VPS13D: variants seen among roughly 807,000 people sequenced by gnomAD.
The protein encoded by VPS13D is vacuolar protein sorting 13 homolog D, also known as intermembrane lipid transfer protein VPS13D.
VPS13D carries 187 observed loss-of-function variants against 461.9 expected under a neutral mutation model. That is an observed-to-expected ratio of 0.40 (90% CI 0.36 to 0.46). The LOEUF is 0.46. VPS13D is among the 20% of genes least tolerant of loss of function. The pLI is 0.60. For missense variants in VPS13D, 4,711 were observed against 5,364.9 expected (o/e 0.88, Z 3.81); for synonymous variants, 1,951 against 1,986.3 (o/e 0.98, Z 0.47).
chr1:12,368,388 T>C (rs924223070), intron 52 of VPS13D, 80 bp from the exon 53 acceptor site: 1 of 1,498,576 alleles, frequency 6.7e-7, no homozygotes. Flanking sequence ...GTGTTGTGAT[T>C]GTCAGAAATA....
chr1:12,483,310 G>C (rs1476333475), intron 67 of VPS13D, among the ~76,000 whole-genome samples: 1 of 152,226 alleles, frequency 6.6e-6, no homozygotes, highest in Admixed American at 6.5e-5. Context: ...TTGCCAATCT[G>C]AAAGAGTGAG....
intron 46 of VPS13D, 70 bp downstream of exon 46, chr1:12,349,444 T>G (rs1643749189): frequency 1.4e-6 from 2 of 1,404,452 alleles, no homozygotes; most frequent in Non-Finnish European, 9.9e-7. Flanking sequence ...CTATTACCAT[T>G]CTTTCTCTAA....
chr1:12,285,635 A>G (rs1641944045), intron 21 of VPS13D, among the ~76,000 whole-genome samples: 1 of 152,120 alleles, frequency 6.6e-6, no homozygotes, highest in South Asian at 2.1e-4. Flanking sequence ...ATTTCACTCT[A>G]CATACGTCAG....
intron 35 of VPS13D, among the ~76,000 whole-genome samples, chr1:12,326,061 G>A (rs1474542486): frequency 6.7e-6 from 1 of 149,084 alleles, no homozygotes; most frequent in African/African-American, 2.5e-5. Context: ...ATTGTATCTG[G>A]GTTATTCCAG....
chr1:12,307,314 G>A (rs1356479619), intron 26 of VPS13D, among the ~76,000 whole-genome samples: 1 of 152,026 alleles, frequency 6.6e-6, no homozygotes, highest in Non-Finnish European at 1.5e-5. Context: ...TGAGAGGGGC[G>A]GGCCATGCCA....
chr1:12,368,644 A>C, intron 53 of VPS13D, 53 bp downstream of exon 53: 1 of 1,586,464 alleles, frequency 6.3e-7, no homozygotes, highest in Non-Finnish European at 8.6e-7. Context: ...GGGAGGGTGG[A>C]GTGTGTACTG....
chr1:12,447,497 C>T (rs1645208017), intron 65 of VPS13D, among the ~76,000 whole-genome samples: 2 of 152,190 alleles, frequency 1.3e-5, no homozygotes, highest in Admixed American at 1.3e-4. Flanking sequence ...AGAAGTTCCA[C>T]TGTGGTCTTC....
At position 12,383,271 on chromosome 1, in the gene VPS13D, C is replaced by T. The variant is rs1011016972; in HGVS notation, c.11370+116C>T. Reference sequence around the variant, plus strand: ...TATGCCAGATATGAAGATATGGTATCTTCATCTGTAAAATGGGGATAGGAT... The same window carrying T: ...TATGCCAGATATGAAGATATGGTATTTTCATCTGTAAAATGGGGATAGGAT... On this transcript the variant is annotated intron_variant, in intron 58 of 69. Coordinates refer to ENST00000620676, the MANE Select transcript of VPS13D (RefSeq NM_015378.4). 36 of 1,095,462 alleles carry T rather than the reference C, an allele frequency of 3.3e-5. No homozygotes were observed. The African/African-American group carries it at 5.3e-4, about 16-fold the overall frequency. The allele number at this position is 1,095,462 out of a possible 1,614,324, so 67.9% of individuals were successfully genotyped here.
At chr1:12,285,739 T>G (rs565021136) in intron 21 of VPS13D, among the ~76,000 whole-genome samples, 2 of 152,332 alleles carry the variant, frequency 1.3e-5, no homozygotes, top group South Asian at 2.1e-4. Context: ...CAGTCCATAA[T>G]CAGATTCTCT....
intron 29 of VPS13D, 121 bp downstream of exon 29, chr1:12,312,046 A>ATACG: frequency 5.0e-6 from 4 of 796,158 alleles, no homozygotes; most frequent in Non-Finnish European, 7.9e-6. Context: ...TTGTCTGCAG[A>ATACG]GTGTCTTTTG....
At chr1:12,311,988 C>A in intron 29 of VPS13D, 63 bp downstream of exon 29, 1 of 1,387,860 alleles carries the variant, frequency 7.2e-7, no homozygotes, top group Non-Finnish European at 1.0e-6. Context: ...ACATGTTTTG[C>A]ATTGACACAG....
In VPS13D at chr1:12,275,858, C is replaced by T. The variant is rs754269483; in HGVS notation, c.2270C>T (p.Ala757Val). Reference sequence around the variant, plus strand: ...AGGAGGAAAAGTAGGGATGGGTCAGCATCTGAAGAGACCCAGTTTAGTGAT... The same window carrying T: ...AGGAGGAAAAGTAGGGATGGGTCAGTATCTGAAGAGACCCAGTTTAGTGAT... Reference protein sequence around the residue: ...NSRRKSRDGSASEETQFSDDE... With the variant: ...NSRRKSRDGSVSEETQFSDDE... The change falls in exon 19 of 70, where the codon GCA becomes GTA. Residue 757 changes from alanine to valine, a missense_variant. By Grantham distance (64) the Ala-to-Val change is moderately conservative. Coordinates refer to ENST00000620676, the MANE Select transcript of VPS13D (RefSeq NM_015378.4). 6 of 1,610,920 alleles carry T rather than the reference C, an allele frequency of 3.7e-6. No individual in the cohort carries two copies. The highest frequency in any genetic ancestry group is 3.3e-4 in the Middle Eastern group (2 of 6,042).
chr1:12,247,587 A>G (rs983802556), intron 5 of VPS13D, among the ~76,000 whole-genome samples: 1 of 152,054 alleles, frequency 6.6e-6, no homozygotes, highest in African/African-American at 2.4e-5. Flanking sequence ...TGATCTTGCT[A>G]TGATTTCGAT....
In VPS13D at chr1:12,505,929, C is replaced by T. The variant is rs943675735; in HGVS notation, c.12795-924C>T. ...CCCCCTTCAGAGGACCTGGGAACAA[C>T]GCCGTTCTGGACCCAGGTTTCAGAA... On this transcript the variant is annotated intron_variant, in intron 68 of 69. Coordinates refer to ENST00000620676, the MANE Select transcript of VPS13D (RefSeq NM_015378.4). The surrounding 1 kb of genome is among the most constrained non-coding windows in gnomAD (Gnocchi z 4.2). 5.9e-5 allele frequency among the ~76,000 whole-genome samples: 9 copies of T among 152,358 alleles called. No individual in the cohort carries two copies. The highest frequency in any genetic ancestry group is 8.8e-5 in the Non-Finnish European group (6 of 68,034).
chr1:12,278,342 C>T (rs952169506), intron 19 of VPS13D, among the ~76,000 whole-genome samples: 6 of 152,168 alleles, frequency 3.9e-5, no homozygotes, highest in Non-Finnish European at 8.8e-5. Flanking sequence ...GCAGTCTCAG[C>T]TCACTGCAAC....
intron 55 of VPS13D, among the ~76,000 whole-genome samples, chr1:12,377,807 C>T (rs558353505): frequency 1.5e-4 from 17 of 112,094 alleles, no homozygotes; most frequent in Non-Finnish European, 2.4e-4. Flanking sequence ...AGAACAGGAG[C>T]GAAACTCCAT....
intron 57 of VPS13D, among the ~76,000 whole-genome samples, chr1:12,379,921 A>G (rs546187672): frequency 1.3e-5 from 2 of 152,032 alleles, no homozygotes; most frequent in African/African-American, 4.8e-5. Context: ...GGTGCCCGCC[A>G]CCACGCCCGG....
chr1:12,314,347 C>T lies in VPS13D; in HGVS notation c.7148+20C>T. The T allele has an allele frequency of 6.3e-7, 1 of 1,597,112 alleles. No homozygotes were observed. The highest frequency in any genetic ancestry group is 8.6e-7 in the Non-Finnish European group (1 of 1,166,754). On this transcript the variant is annotated intron_variant, in intron 30 of 69. Transcript: ENST00000620676. ...TTTCAGGTAGCAGGTCCAGACCCTTCTCTGCCTTTCTTTGTGGAGACATTC... is the reference window on the plus strand; with the variant it reads ...TTTCAGGTAGCAGGTCCAGACCCTTTTCTGCCTTTCTTTGTGGAGACATTC...
In VPS13D at chr1:12,293,676, G is replaced by T; in HGVS notation, c.6005G>T (p.Arg2002Leu). 9 of 1,613,908 alleles carry T rather than the reference G, an allele frequency of 5.6e-6. No homozygotes were observed. Among genetic ancestry groups the T allele is most frequent in the Non-Finnish European group, 7.6e-6 (9 of 1,179,956 alleles). The part of the protein sequence containing the change: ...HFTQLQDVLG[R>L]QRAAIEGQTV... ...ACTCAGCTGCAGGATGTCTTAGGGC[G>T]CCAGCGAGCTGCTATTGAGGGGCAG... Residue 2002 changes from arginine (R) to leucine (L), a missense_variant, in exon 24 of 70, where the codon CGC becomes CTC. By Grantham distance (102) the Arg-to-Leu change is moderately radical. Transcript: ENST00000620676.
Sources: allele counts gnomAD v4.1 joint callset (sites outside exome capture counted in the v4.1 genomes callset), GRCh38; gene constraint gnomAD v4.1.1; non-coding constraint Gnocchi (gnomAD v3.1); transcripts MANE v1.5; gene names NCBI Gene and HGNC (gene_info 2026-07-23, HGNC 2026-07-21).